The following DPP9 variants were observed in gnomAD, a reference collection of about 807,000 sequenced individuals.
DPP9 encodes dipeptidyl peptidase IV-related protein-2.
In DPP9, 50 loss-of-function variants were observed where a neutral mutation model predicts 110.7. The ratio of observed to expected loss-of-function variants is 0.45; its 90% CI spans 0.36 to 0.57. The LOEUF is 0.57. Among genes scored for constraint, DPP9 ranks in the 20% least tolerant of loss-of-function variants. The pLI, the probability that DPP9 is intolerant of heterozygous loss-of-function variation, is 0.00. For synonymous variants in DPP9, 561 were observed against 514.4 expected (o/e 1.09, Z -1.23); for missense variants, 1,022 against 1,217.9 (o/e 0.84, Z 2.39).
chr19:4,685,406 A>G lies in DPP9; in HGVS notation c.2031+220T>C. ...GCAGGCGGAGGGGGAAGGGGAGGCC[A>G]TCCAGGAAGGGCGGGGAGCGTGCAA... On this transcript the variant is annotated intron_variant, in intron 17 of 21. Transcript: ENST00000262960. This position sits in a 1 kb window ranked among gnomAD's most constrained non-coding sequence, Gnocchi z 5.8. 1.5e-6 allele frequency: 1 copy of G among 673,450 alleles called. No homozygotes were observed. Among genetic ancestry groups the G allele is most frequent in the Non-Finnish European group, 2.7e-6 (1 of 367,998 alleles). The allele number at this position is 673,450 out of a possible 1,614,324, so 41.7% of individuals were successfully genotyped here.
At position 4,714,106 on chromosome 19, in the gene DPP9, G is replaced by C. The variant is rs765561697; in HGVS notation, c.288C>G (p.Pro96=). The C allele has an allele frequency of 7.4e-6, 12 of 1,612,192 alleles. No individual in the cohort carries two copies. In the African/African-American group the frequency reaches 1.3e-4, roughly 18 times the overall value. ...QFVQKTDESG[P]HSHRLYYLGM... The stretch of plus-strand genomic sequence containing the variant: ...CCAGGTAGTAGAGGCGGTGGGAGTG[G>C]GGCCCAGACTCATCCGTCTTCTGCA... Residue 96 remains proline (P), a synonymous_variant, in exon 4 of 22, where the codon CCC becomes CCG. Transcript: ENST00000262960.
rs768731925 is a variant in DPP9, at chr19:4,689,603, C to T, written c.1716G>A (p.Thr572=). The change falls in exon 15 of 22, where the codon ACG becomes ACA. Residue 572 remains threonine (T), a synonymous_variant. Transcript: ENST00000262960. The surrounding 1 kb of genome is among the most constrained non-coding windows in gnomAD (Gnocchi z 7.0). ...TGGAGCAGCTATGGGAGAAGCCGGG[C>T]GTGGTGAGGCGTACGATCTCGCCGG... is the stretch of plus-strand genomic sequence containing the variant. ...EAAGEIVRLT[T]PGFSHSCSMS... 36 of 1,572,294 alleles carry T rather than the reference C, an allele frequency of 2.3e-5. No individual in the cohort carries two copies. The highest frequency in any genetic ancestry group is 1.7e-4 in the Middle Eastern group (1 of 5,872).
Position 4,719,922 on chromosome 19 carries a change from C to T in DPP9, c.-16G>A, listed in dbSNP as rs2093243262. The T allele has an allele frequency of 6.4e-7, 1 of 1,551,722 alleles. No individual in the cohort carries two copies. The highest frequency in any genetic ancestry group is 1.2e-5 in the South Asian group (1 of 84,068). On this transcript the variant is annotated 5_prime_UTR_variant, in exon 3 of 22. Transcript: ENST00000262960. ...CCTTCCGCATTAACCGCTCAGCTGA[C>T]CTCAGGAGGGCAGGGGTGCCTGCGG...
rs1226645979 is a variant in DPP9, at chr19:4,675,314, C to T, written c.*1250G>A. 6.6e-6 allele frequency: 1 copy of T among 150,962 alleles called. No individual in the cohort carries two copies. The highest frequency in any genetic ancestry group is 1.5e-5 in the Non-Finnish European group (1 of 67,710). The allele number at this position is 150,962 out of a possible 1,614,324, so 9.4% of individuals were successfully genotyped here. On this transcript the variant is annotated 3_prime_UTR_variant, in exon 22 of 22. Coordinates refer to ENST00000262960, the MANE Select transcript of DPP9 (RefSeq NM_139159.5). ...AGAATCGACAAAAATATTTTCTTTC[C>T]ATAATATGTAGAGGTGGTTTGTTTC...
chr19:4,688,659 G>A (rs2091021954), intron 16 of DPP9, 98 bp downstream of exon 16: 2 of 1,325,660 alleles, frequency 1.5e-6, no homozygotes, highest in South Asian at 1.9e-5. Context: ...AGGCAGGCCA[G>A]CTCCAGGCCT....
At chr19:4,680,235 CA>C (rs71168922) in intron 20 of DPP9, among the ~76,000 whole-genome samples, 21,408 of 70,846 alleles carry the variant, frequency 0.3, 1,743 homozygotes, top group African/African-American at 0.39. Context: ...GACAGCATCT[CA>C]AAAAAAAAAA....
chr19:4,702,819 AGG>A (rs1346782016), intron 7 of DPP9, 103 bp from the exon 8 acceptor site: 11 of 168,278 alleles, frequency 6.5e-5, no homozygotes, highest in African/African-American at 3.5e-4. Flanking sequence ...AGAGAGAAGG[AGG>A]GAAGGAAAGG....
In DPP9 at chr19:4,718,735, G is replaced by A. The variant is rs1419226823; in HGVS notation, c.56+1116C>T. ...TAAGGCATGTGCCCACCAGACGCTG[G>A]GACCACCCGGTTTTAGAGCCCATGG... On this transcript the variant is annotated intron_variant, in intron 3 of 21. Transcript: ENST00000262960. This position sits in a 1 kb window ranked among gnomAD's most constrained non-coding sequence, Gnocchi z 4.3. Among the ~76,000 whole-genome samples the A allele has an allele frequency of 1.3e-5, 2 of 152,178 alleles. No individual in the cohort carries two copies. Among genetic ancestry groups the A allele is most frequent in the Non-Finnish European group, 2.9e-5 (2 of 68,042 alleles).
rs2092022291 is a variant in DPP9 at position 4,698,948 on chromosome 19, GGAGATT to G, written c.1074+1262_1074+1267del. On this transcript the variant is annotated intron_variant, in intron 10 of 21. Transcript: ENST00000262960. The surrounding 1 kb of genome is among the most constrained non-coding windows in gnomAD (Gnocchi z 4.2). ...CCGAGGCGGGCGGATCACGAGGTCA[GGAGATT>G]GAGACCGTCCTGGCTAACACGGTGA... Among the ~76,000 whole-genome samples the G allele has an allele frequency of 6.6e-6, 1 of 152,024 alleles. No individual in the cohort carries two copies. Among genetic ancestry groups the G allele is most frequent in the Admixed American group, 6.6e-5 (1 of 15,256 alleles).
At chr19:4,713,418 G>C (rs11670257) in intron 4 of DPP9, among the ~76,000 whole-genome samples, 73,537 of 152,204 alleles carry the variant, frequency 0.48, 20,555 homozygotes, top group Non-Finnish European at 0.63. Flanking sequence ...GAAGGCACTC[G>C]TGGTGCAGAG....
chr19:4,716,422 G>A (rs1368810942), intron 3 of DPP9, among the ~76,000 whole-genome samples: 1 of 152,180 alleles, frequency 6.6e-6, no homozygotes, highest in Non-Finnish European at 1.5e-5. Context: ...AGGATCATGA[G>A]ATCAGCAGAT....
Position 4,702,190 on chromosome 19 carries a change from C to T in DPP9, c.884-35G>A. ...GGTGGTGGAAAAACTGCTGAGGGTG[C>T]CAGAGGCAGAGTCCCTGCCATCAGC... On this transcript the variant is annotated intron_variant, in intron 8 of 21. Transcript: ENST00000262960. 8 of 1,587,256 alleles carry T rather than the reference C, an allele frequency of 5.0e-6. No individual in the cohort carries two copies. In the South Asian group the frequency reaches 5.7e-5, roughly 11 times the overall value.
At chr19:4,709,673 G>C (rs1025593846) in intron 4 of DPP9, among the ~76,000 whole-genome samples, 1 of 152,152 alleles carries the variant, frequency 6.6e-6, no homozygotes, top group Non-Finnish European at 1.5e-5. Context: ...TTTTTGGGGC[G>C]AGTGAATGTT....
chr19:4,704,731 G>A lies in DPP9; in HGVS notation c.427-427C>T, dbSNP rs562426660. On this transcript the variant is annotated intron_variant, in intron 5 of 21. Transcript: ENST00000262960. This position sits in a 1 kb window ranked among gnomAD's most constrained non-coding sequence, Gnocchi z 6.0. ...TATTCACAATCCCTTCCCATCAAGA[G>A]CTTTCAATTTCGTAATCCCAGCACT... 7.0e-4 allele frequency among the ~76,000 whole-genome samples: 107 copies of A among 152,294 alleles called. 1 individual carries two copies. Among genetic ancestry groups the A allele is most frequent in the African/African-American group, 2.5e-3 (102 of 41,556 alleles).
Position 4,695,437 on chromosome 19 carries a change from C to G in DPP9, c.1294G>C (p.Val432Leu). 8.8e-6 allele frequency: 14 copies of G among 1,593,612 alleles called. No homozygotes were observed. The highest frequency in any genetic ancestry group is 1.2e-5 in the Non-Finnish European group (14 of 1,170,566). ...ACATACGGCTGGACATTCCTGGGGA[C>G]AGCTCTGGCAGAGGCTAGCCGCTGC... ...EEQRLASARA[V>L]PRNVQPYVVY... is the part of the protein sequence containing the mutation. Residue 432 changes from valine (V) to leucine (L), a missense_variant, in exon 12 of 22, where the codon GTC becomes CTC. Val to Leu is a conservative substitution (Grantham distance 32). Coordinates refer to ENST00000262960, the MANE Select transcript of DPP9 (RefSeq NM_139159.5). This position sits in a 1 kb window ranked among gnomAD's most constrained non-coding sequence, Gnocchi z 4.7.
intron 15 of DPP9, 26 bp from the exon 16 acceptor site, chr19:4,688,918 T>A: frequency 6.6e-7 from 1 of 1,507,548 alleles, no homozygotes; most frequent in South Asian, 1.3e-5. Context: ...GGTGATGAGC[T>A]CCACGGGATG....
At chr19:4,709,179 A>C (rs1290809109) in intron 4 of DPP9, among the ~76,000 whole-genome samples, 2 of 151,956 alleles carry the variant, frequency 1.3e-5, no homozygotes, top group African/African-American at 4.8e-5. Context: ...CGGCCTCCCA[A>C]AGTGCTGGGA....
At chr19:4,716,108 T>G (rs927399474) in intron 3 of DPP9, 1 of 152,188 alleles carries the variant, frequency 6.6e-6, no homozygotes, top group Non-Finnish European at 1.5e-5. Flanking sequence ...AAGTCGCTGC[T>G]TGCTTGGAGG....
Position 4,682,457 on chromosome 19 carries a change from A to G in DPP9, c.2474+239T>C, listed in dbSNP as rs958693848. Among the ~76,000 whole-genome samples, 4 of 151,728 alleles carry G rather than the reference A, an allele frequency of 2.6e-5. No homozygotes were observed. The highest frequency in any genetic ancestry group is 4.4e-5 in the Non-Finnish European group (3 of 67,932). ...CAGGGCTGTGAGCCTCCTTCCCCAG[A>G]CAAGCATCCCTGGGTGCCCCTTCCT... On this transcript the variant is annotated intron_variant, in intron 20 of 21. Transcript: ENST00000262960. This position sits in a 1 kb window ranked among gnomAD's most constrained non-coding sequence, Gnocchi z 7.1.
Sources: allele counts gnomAD v4.1 joint callset (sites outside exome capture counted in the v4.1 genomes callset), GRCh38; gene constraint gnomAD v4.1.1; non-coding constraint Gnocchi (gnomAD v3.1); transcripts MANE v1.5; gene names NCBI Gene and HGNC (gene_info 2026-07-23, HGNC 2026-07-21).